The following ABCD4 variants were observed in gnomAD, a reference collection of about 807,000 sequenced individuals.
ABCD4 encodes the protein lysosomal cobalamin transporter ABCD4.
A neutral mutation model predicts 86.3 loss-of-function variants in ABCD4; 53 were observed. That is an observed-to-expected ratio of 0.61 (90% CI 0.49 to 0.77). ABCD4 has a LOEUF of 0.77. Ranked by LOEUF, ABCD4 falls within the 30% of genes least tolerant of loss-of-function variation. ABCD4 has a pLI of 0.00. For synonymous variants in ABCD4, 328 were observed against 313.6 expected (o/e 1.05, Z -0.49); for missense variants, 757 against 764.5 (o/e 0.99, Z 0.12).
intron 11 of ABCD4, 91 bp from the exon 12 acceptor site, chr14:74,290,590 G>T (rs1033763022): frequency 9.4e-6 from 9 of 955,266 alleles, no homozygotes; most frequent in Admixed American, 3.6e-5. Context: ...ACCACCTGTG[G>T]ATTATTATGG....
rs748252571 is a variant in ABCD4, at chr14:74,295,986, TAGAG to T, written c.543-11_543-8del. ...AGGCCCGAGCCAGCCTGTGCTGAAA[TAGAG>T]AGAGAGGGAGAGAAGGGAGAGGGTG... On this transcript the variant is annotated splice_region_variant and splice_polypyrimidine_tract_variant and intron_variant, in intron 5 of 18. Transcript: ENST00000356924. The T allele has an allele frequency of 1.3e-4, 205 of 1,597,722 alleles. No individual in the cohort carries two copies. Among genetic ancestry groups the T allele is most frequent in the Middle Eastern group, 1.7e-4 (1 of 5,954 alleles).
At position 74,292,621 on chromosome 14, in the gene ABCD4, G is replaced by C. The variant is rs201276376; in HGVS notation, c.958C>G (p.Leu320Val). Residue 320 changes from leucine (L) to valine (V), a missense_variant, in exon 10 of 19, where the codon CTC becomes GTC. By Grantham distance (32) the Leu-to-Val change is conservative. Coordinates refer to ENST00000356924, the MANE Select transcript of ABCD4 (RefSeq NM_005050.4). ...ATGAGCTGGGTGAAGCAGCTGATGA[G>C]GTAGATGCACACAAAGGCATTCTGG... ...VSKNAFVCIY[L>V]ISCFTQLIDL... 8.7e-6 allele frequency: 14 copies of C among 1,614,010 alleles called. No individual in the cohort carries two copies. The highest frequency in any genetic ancestry group is 8.0e-5 in the African/African-American group (6 of 75,004).
At chr14:74,289,915 C>CCTCACCTT in intron 13 of ABCD4, 112 bp downstream of exon 13, 20 of 1,561,910 alleles carry the variant, frequency 1.3e-5, no homozygotes, top group Non-Finnish European at 1.7e-5. Context: ...CACTTCACCA[C>CCTCACCTT]CTCACCTTTT....
rs1308466354 is a variant in ABCD4, at chr14:74,286,389, G to A, written c.*72C>T. ...GGCGAACCTGAGCTCGATCTTCGCT[G>A]TCAGTCCTCCTGGTCTCTCCTGAGG... On this transcript the variant is annotated 3_prime_UTR_variant, in exon 19 of 19. Transcript: ENST00000356924. 1.3e-6 allele frequency: 2 copies of A among 1,536,338 alleles called. No individual in the cohort carries two copies. Among genetic ancestry groups the A allele is most frequent in the South Asian group, 1.1e-5 (1 of 89,338 alleles).
chr14:74,297,861 A>G lies in ABCD4; in HGVS notation c.425+69T>C, dbSNP rs991327578. ...GATCTCCTTGGTGTCTGCCACCAGCAGTCTCCAGGGCTAGGCCAGAAGGAA... is the reference window on the plus strand; with the variant it reads ...GATCTCCTTGGTGTCTGCCACCAGCGGTCTCCAGGGCTAGGCCAGAAGGAA... On this transcript the variant is annotated intron_variant, in intron 4 of 18. Transcript: ENST00000356924. 3 of 1,523,228 alleles carry G rather than the reference A, an allele frequency of 2.0e-6. No individual in the cohort carries two copies. The East Asian group carries it at 7.0e-5, about 36-fold the overall frequency. The allele number at this position is 1,523,228 out of a possible 1,614,324, so 94.4% of individuals were successfully genotyped here.
Position 74,286,335 on chromosome 14 carries a change from C to T in ABCD4, c.*126G>A. 1 of 982,902 alleles carries T rather than the reference C, an allele frequency of 1.0e-6. No individual in the cohort carries two copies. Among genetic ancestry groups the T allele is most frequent in the Non-Finnish European group, 1.6e-6 (1 of 631,344 alleles). 60.9% of individuals were successfully genotyped at this position (982,902 alleles called of 1,614,324 possible). A position where few individuals can be genotyped will look rare whatever the true frequency, so the allele number is the denominator to read the frequency against. On this transcript the variant is annotated 3_prime_UTR_variant, in exon 19 of 19. Coordinates refer to ENST00000356924, the MANE Select transcript of ABCD4 (RefSeq NM_005050.4). ...CCACTGCTAGGGGTCCTGCACAGGA[C>T]CCATGTGGCTCCTGCACGGGATCTA...
At chr14:74,291,441 T>C (rs1241600831) in intron 11 of ABCD4, among the ~76,000 whole-genome samples, 1 of 152,180 alleles carries the variant, frequency 6.6e-6, no homozygotes, top group Non-Finnish European at 1.5e-5. Flanking sequence ...TTCAACAAAT[T>C]CTAATGCTGG....
At chr14:74,288,019 G>A (rs1270194319) in intron 16 of ABCD4, 133 bp from the exon 17 acceptor site, 17 of 1,069,972 alleles carry the variant, frequency 1.6e-5, no homozygotes, top group South Asian at 4.3e-5. Context: ...CTTCCCTTTC[G>A]ACCATAGGCC....
intron 3 of ABCD4, 136 bp from the exon 4 acceptor site, chr14:74,298,205 T>C (rs2083381283): frequency 6.9e-7 from 1 of 1,447,558 alleles, no homozygotes; most frequent in Non-Finnish European, 9.1e-7. Context: ...ACTCAGCACT[T>C]TTCTTTTTTA....
chr14:74,292,727 G>A, intron 9 of ABCD4, 21 bp downstream of exon 9: 1 of 1,613,976 alleles, frequency 6.2e-7, no homozygotes, highest in Non-Finnish European at 8.5e-7. Context: ...AGCATGTGGG[G>A]TGACCAAGAG....
chr14:74,290,740 A>C (rs2081283582), intron 11 of ABCD4, among the ~76,000 whole-genome samples: 1 of 132,650 alleles, frequency 7.5e-6, no homozygotes, highest in Non-Finnish European at 1.5e-5. Flanking sequence ...GCTTGAGTGC[A>C]GTGGAGCTAT....
At chr14:74,295,584 T>C (rs2082647971) in intron 6 of ABCD4, 2 of 557,370 alleles carry the variant, frequency 3.6e-6, no homozygotes, top group Admixed American at 3.5e-5. Flanking sequence ...GGCCAAGAGA[T>C]GACAATGACG....
intron 1 of ABCD4, among the ~76,000 whole-genome samples, chr14:74,300,665 G>GT (rs2084204822): frequency 6.6e-6 from 1 of 150,842 alleles, no homozygotes; most frequent in African/African-American, 2.4e-5. Context: ...AACGTGAAAA[G>GT]TAACACTATC....
At chr14:74,289,622 G>A (rs1182845589) in intron 13 of ABCD4, 103 bp from the exon 14 acceptor site, 11 of 1,537,344 alleles carry the variant, frequency 7.2e-6, no homozygotes, top group Non-Finnish European at 9.6e-6. Context: ...TCCCAAGGAG[G>A]AGAGGTGGGA....
rs2080828016 is a variant in ABCD4, at chr14:74,289,413, G to T, written c.1456+70C>A. 4.8e-5 allele frequency: 77 copies of T among 1,598,160 alleles called. 2 individuals are homozygous for T. In the South Asian group the frequency reaches 8.4e-4, roughly 18 times the overall value. On this transcript the variant is annotated intron_variant, in intron 14 of 18. Coordinates refer to ENST00000356924, the MANE Select transcript of ABCD4 (RefSeq NM_005050.4). ...GCCTCTCCCCAAGGGCACAGATGAG[G>T]CCACAGTCAGGTAGAGCAGGGACAA...
At chr14:74,302,841 G>T (rs1327909515) in intron 1 of ABCD4, 34 bp downstream of exon 1, 13 of 1,601,494 alleles carry the variant, frequency 8.1e-6, no homozygotes, top group Admixed American at 1.7e-5. Context: ...CGGAACTCCT[G>T]CTCCCAAACC....
In ABCD4 at chr14:74,288,205, A is replaced by G; in HGVS notation, c.1559+2T>C. On this transcript the variant is annotated splice_donor_variant, in intron 16 of 18. Transcript: ENST00000356924. LOFTEE classifies it high-confidence loss of function. The stretch of plus-strand genomic sequence containing the variant: ...TCTGGAGCACCCAAGCTCTTTTCTT[A>G]CCAGTTCCAGTCCACCTGCTGGTCC... 1 of 1,612,140 alleles carries G rather than the reference A, an allele frequency of 6.2e-7. No homozygotes were observed. Among genetic ancestry groups the G allele is most frequent in the South Asian group, 1.1e-5 (1 of 90,550 alleles).
chr14:74,286,317 T>C lies in ABCD4; in HGVS notation c.*144A>G. On this transcript the variant is annotated 3_prime_UTR_variant, in exon 19 of 19. Coordinates refer to ENST00000356924, the MANE Select transcript of ABCD4 (RefSeq NM_005050.4). ...AGACCTGGGCTCAGCCCACCACTGC[T>C]AGGGGTCCTGCACAGGACCCATGTG... 1.3e-6 allele frequency: 1 copy of C among 799,142 alleles called. No homozygotes were observed. The highest frequency in any genetic ancestry group is 2.1e-6 in the Non-Finnish European group (1 of 487,732). The allele number at this position is 799,142 out of a possible 1,614,324, so 49.5% of individuals were successfully genotyped here.
rs760622936 is a variant in ABCD4 at position 74,298,078 on chromosome 14, TG to T, written c.286-10del. The T allele has an allele frequency of 2.5e-6, 4 of 1,612,700 alleles. No homozygotes were observed. The highest frequency in any genetic ancestry group is 1.3e-5 in the African/African-American group (1 of 74,968). Reference sequence around the variant, plus strand: ...TGATCAAAGCTCTTCAGCTGTGCAGTGGGGGAAGCAAGGGGAAGGGAGAGAT... The same window carrying T: ...TGATCAAAGCTCTTCAGCTGTGCAGTGGGGAAGCAAGGGGAAGGGAGAGAT... On this transcript the variant is annotated splice_polypyrimidine_tract_variant and intron_variant, in intron 3 of 18. Transcript: ENST00000356924.
Sources: allele counts gnomAD v4.1 joint callset (sites outside exome capture counted in the v4.1 genomes callset), GRCh38; gene constraint gnomAD v4.1.1; transcripts MANE v1.5; gene names NCBI Gene and HGNC (gene_info 2026-07-23, HGNC 2026-07-21).